The following ZNF446 variants were observed in gnomAD, a reference collection of about 807,000 sequenced individuals.
ZNF446 encodes zinc finger protein with KRAB and SCAN domains 20.
In ZNF446, 42 loss-of-function variants were observed where a neutral mutation model predicts 34.0. The ratio of observed to expected loss-of-function variants is 1.23; its 90% CI spans 0.96 to 1.60. The LOEUF is 1.60. Among genes scored for constraint, ZNF446 ranks in the 40% most tolerant of loss-of-function variants. The pLI is 0.00. For synonymous variants in ZNF446, 315 were observed against 251.0 expected (o/e 1.25, Z -2.41); for missense variants, 650 against 600.2 (o/e 1.08, Z -0.87).
Position 58,480,696 on chromosome 19 carries a change from C to T in ZNF446, c.1323C>T (p.His441=), listed in dbSNP as rs140103278. 2 of 1,607,778 alleles carry T rather than the reference C, an allele frequency of 1.2e-6. No homozygotes were observed. Among genetic ancestry groups the T allele is most frequent in the African/African-American group, 2.7e-5 (2 of 74,902 alleles). ...AFDWKSQLVI[H]RKGHRPEVP ...ACTGGAAGTCGCAGCTGGTCATCCA[C>T]CGCAAGGGCCACCGGCCGGAGGTTC... The change falls in exon 7 of 7, where the codon CAC becomes CAT. Residue 441 remains histidine (H), a synonymous_variant. Transcript: ENST00000594369. This position sits in a 1 kb window ranked among gnomAD's most constrained non-coding sequence, Gnocchi z 7.2.
rs1423645533 is a variant in ZNF446 at position 58,479,724 on chromosome 19, C to G, written c.709C>G (p.Leu237Val). Reference protein sequence around the residue: ...MLEKYGTVVSLGLPPHQPEAQ... With the variant: ...MLEKYGTVVSVGLPPHQPEAQ... ...GGAGAAGTACGGCACAGTGGTCTCCCTGGGTGAGGACCAGCCAGCCCCACC... is the reference window on the plus strand; with the variant it reads ...GGAGAAGTACGGCACAGTGGTCTCCGTGGGTGAGGACCAGCCAGCCCCACC... The change falls in exon 5 of 7, where the codon CTG (leucine) becomes GTG (valine). Residue 237 changes from leucine to valine, a missense_variant. Transcript: ENST00000594369. The G allele has an allele frequency of 6.2e-7, 1 of 1,611,880 alleles. No homozygotes were observed. Among genetic ancestry groups the G allele is most frequent in the Admixed American group, 1.7e-5 (1 of 59,688 alleles).
At chr19:58,478,007 C>T (rs934326306) in intron 3 of ZNF446, 80 bp from the exon 4 acceptor site, 2 of 1,406,860 alleles carry the variant, frequency 1.4e-6, no homozygotes, top group African/African-American at 1.4e-5. Context: ...TGCCATGTCA[C>T]ACAGCAGAGG....
Position 58,479,686 on chromosome 19 carries a change from G to A in ZNF446, c.671G>A (p.Trp224Ter), listed in dbSNP as rs1227138850. The change falls in exon 5 of 7, where the codon TGG (tryptophan) becomes TAG (stop). Residue 224 changes from tryptophan to a stop codon, truncating the protein, a stop_gained. Coordinates refer to ENST00000594369, the MANE Select transcript of ZNF446 (RefSeq NM_017908.4). LOFTEE classifies it high-confidence loss of function. ...GACCGGTCACAGAAGGAACTGTACT[G>A]GGATGCGATGCTGGAGAAGTACGGC... ...LLDRSQKELYWDAMLEKYGTV... is the reference protein window; with the variant it reads ...LLDRSQKELY 1 of 1,613,844 alleles carries A rather than the reference G, an allele frequency of 6.2e-7. No individual in the cohort carries two copies. Among genetic ancestry groups the A allele is most frequent in the Non-Finnish European group, 8.5e-7 (1 of 1,179,966 alleles).
At chr19:58,477,849 G>A (rs2053103034) in intron 3 of ZNF446, 23 bp downstream of exon 3, 12 of 1,513,044 alleles carry the variant, frequency 7.9e-6, no homozygotes, top group East Asian at 2.3e-5. Flanking sequence ...TCCCACCAGA[G>A]ATGAGGGACT....
Position 58,480,492 on chromosome 19 carries a change from G to A in ZNF446, c.1119G>A (p.Lys373=). 2 of 1,612,918 alleles carry A rather than the reference G, an allele frequency of 1.2e-6. No homozygotes were observed. Among genetic ancestry groups the A allele is most frequent in the Middle Eastern group, 1.6e-4 (1 of 6,062 alleles). Residue 373 remains lysine (K), a synonymous_variant, in exon 7 of 7, where the codon AAG becomes AAA. Transcript: ENST00000594369. This position sits in a 1 kb window ranked among gnomAD's most constrained non-coding sequence, Gnocchi z 7.2. The part of the protein sequence containing the change: ...PGLATGESTE[K]PPQGEVAFPH... ...TAGCCACCGGGGAAAGCACAGAGAA[G>A]CCACCACAAGGGGAGGTGGCCTTTC...
Position 58,480,595 on chromosome 19 carries a change from T to A in ZNF446, c.1222T>A (p.Ser408Thr). 1 of 1,612,566 alleles carries A rather than the reference T, an allele frequency of 6.2e-7. No individual in the cohort carries two copies. The highest frequency in any genetic ancestry group is 8.5e-7 in the Non-Finnish European group (1 of 1,179,922). ...GTGCGGGTGCAGCTTCAGCTGGAAG[T>A]CGCAGCTGGTCATCCACCGCAAGAG... ...EECGCSFSWK[S>T]QLVIHRKSHT... Residue 408 changes from serine to threonine, a missense_variant, in exon 7 of 7, where the codon TCG (serine) becomes ACG (threonine). Coordinates refer to ENST00000594369, the MANE Select transcript of ZNF446 (RefSeq NM_017908.4). The surrounding 1 kb of genome is among the most constrained non-coding windows in gnomAD (Gnocchi z 7.2).
At position 58,477,771 on chromosome 19, in the gene ZNF446, T is replaced by G. The variant is rs1400818334; in HGVS notation, c.477T>G (p.Ser159=). The G allele has an allele frequency of 6.2e-7, 1 of 1,605,184 alleles. No homozygotes were observed. Among genetic ancestry groups the G allele is most frequent in the Non-Finnish European group, 8.5e-7 (1 of 1,176,722 alleles). The change falls in exon 3 of 7, where the codon TCT becomes TCG. Residue 159 remains serine (S), a synonymous_variant. Coordinates refer to ENST00000594369, the MANE Select transcript of ZNF446 (RefSeq NM_017908.4). ...EGPQDTRIEG[S]VQLSCSVKEE... ...CCCAGGACACCAGAATAGAGGGGTC[T>G]GTCCAGCTCAGCTGCAGTGTGAAGG...
Position 58,480,418 on chromosome 19 carries a change from A to C in ZNF446, c.1045A>C (p.Ile349Leu). Residue 349 changes from isoleucine to leucine, a missense_variant, in exon 7 of 7, where the codon ATC becomes CTC. Coordinates refer to ENST00000594369, the MANE Select transcript of ZNF446 (RefSeq NM_017908.4). The surrounding 1 kb of genome is among the most constrained non-coding windows in gnomAD (Gnocchi z 7.2). ...CTTCGACTGGAAGTCAGTGTTCGTC[A>C]TCCACCACCGGACACACACGAGTGG... ...RGFDWKSVFVIHHRTHTSGPG... is the reference protein window; with the variant it reads ...RGFDWKSVFVLHHRTHTSGPG... 6.2e-7 allele frequency: 1 copy of C among 1,613,104 alleles called. No individual in the cohort carries two copies. The highest frequency in any genetic ancestry group is 8.5e-7 in the Non-Finnish European group (1 of 1,179,976).
At chr19:58,484,202 T>G (rs1335685957), downstream of ZNF446, among the ~76,000 whole-genome samples, 1 of 145,532 alleles carries the variant, frequency 6.9e-6, no homozygotes, top group East Asian at 2.0e-4. Flanking sequence ...TTTGAGAGGC[T>G]GAGGCAGGAG....
In ZNF446 at chr19:58,477,652, C is replaced by T; in HGVS notation, c.358C>T (p.Leu120=). The change falls in exon 3 of 7, where the codon CTG becomes TTG. Residue 120 remains leucine (L), a synonymous_variant. Transcript: ENST00000594369. ...TTCTCCTCAGATCACAGCCCATGTCCTGAAGCAGGAGGTGCTCCCTGCAGC... is the reference window on the plus strand; with the variant it reads ...TTCTCCTCAGATCACAGCCCATGTCTTGAAGCAGGAGGTGCTCCCTGCAGC... ...QLLGWITAHV[L]KQEVLPAAQK... The T allele has an allele frequency of 6.2e-7, 1 of 1,613,858 alleles. No individual in the cohort carries two copies. Among genetic ancestry groups the T allele is most frequent in the South Asian group, 1.1e-5 (1 of 91,088 alleles).
At chr19:58,482,007 G>T (rs975894094), downstream of ZNF446, among the ~76,000 whole-genome samples, 1 of 152,080 alleles carries the variant, frequency 6.6e-6, no homozygotes, top group Non-Finnish European at 1.5e-5. Flanking sequence ...TGTTAGCCAG[G>T]ATGGTCTCGA....
At chr19:58,476,898 C>G (rs143768407) in intron 1 of ZNF446, among the ~76,000 whole-genome samples, 2 of 152,176 alleles carry the variant, frequency 1.3e-5, no homozygotes, top group Non-Finnish European at 2.9e-5. Flanking sequence ...TTAGCGTCAT[C>G]TCCCAGCAGT....
At chr19:58,486,751 G>A in the ZNF446 span, among the ~76,000 whole-genome samples, 1 of 150,310 alleles carries the variant, frequency 6.7e-6, no homozygotes, top group Non-Finnish European at 1.5e-5. Flanking sequence ...GTCTCGCCAT[G>A]TTGCCCAGGC....
In ZNF446 at chr19:58,477,833, T is replaced by C. The variant is rs754769688; in HGVS notation, c.532+7T>C. Reference sequence around the variant, plus strand: ...GTCGATGGACAGGAAGTGGGTGAGGTTGGGGTCCCACCAGAGATGAGGGAC... The same window carrying C: ...GTCGATGGACAGGAAGTGGGTGAGGCTGGGGTCCCACCAGAGATGAGGGAC... On this transcript the variant is annotated splice_region_variant and intron_variant, in intron 3 of 6. Coordinates refer to ENST00000594369, the MANE Select transcript of ZNF446 (RefSeq NM_017908.4). The C allele has an allele frequency of 6.5e-7, 1 of 1,538,878 alleles. No homozygotes were observed. Among genetic ancestry groups the C allele is most frequent in the South Asian group, 1.3e-5 (1 of 78,726 alleles).
chr19:58,484,263 C>G (rs1437582303), downstream of ZNF446, among the ~76,000 whole-genome samples: 1 of 137,304 alleles, frequency 7.3e-6, no homozygotes, highest in South Asian at 2.4e-4. Flanking sequence ...AGAGTGAGAC[C>G]CCATCTCTAA....
chr19:58,482,314 CA>C (rs2122454929), downstream of ZNF446, among the ~76,000 whole-genome samples: 1 of 152,226 alleles, frequency 6.6e-6, no homozygotes, highest in African/African-American at 2.4e-5. Context: ...GGACCCTCAT[CA>C]TATCTTGTCC....
the ZNF446 span, among the ~76,000 whole-genome samples, chr19:58,489,436 C>G: frequency 2.0e-5 from 3 of 152,212 alleles, no homozygotes; most frequent in African/African-American, 7.2e-5. Context: ...TCCTGGCTCA[C>G]TGGCTTCCCC....
Position 58,480,090 on chromosome 19 carries a change from G to A in ZNF446, c.802+71G>A. On this transcript the variant is annotated intron_variant, in intron 6 of 6. Transcript: ENST00000594369. The surrounding 1 kb of genome is among the most constrained non-coding windows in gnomAD (Gnocchi z 7.2). ...GTGGGACCTGAGCCACCCACTCATG[G>A]GGGGACGGGAGCTTGTGCCACGGCC... The A allele has an allele frequency of 1.3e-6, 2 of 1,558,606 alleles. No homozygotes were observed. Among genetic ancestry groups the A allele is most frequent in the Non-Finnish European group, 1.7e-6 (2 of 1,158,384 alleles).
Position 58,477,268 on chromosome 19 carries a change from C to A in ZNF446, c.50C>A (p.Thr17Asn), listed in dbSNP as rs922505292. The A allele has an allele frequency of 6.2e-7, 1 of 1,606,598 alleles. No homozygotes were observed. Among genetic ancestry groups the A allele is most frequent in the Non-Finnish European group, 8.5e-7 (1 of 1,175,458 alleles). Residue 17 changes from threonine to asparagine, a missense_variant, in exon 2 of 7, where the codon ACC (threonine) becomes AAC (asparagine). Transcript: ENST00000594369. Reference sequence around the variant, plus strand: ...TGCCTGCCCGTCATGGACCCAGAGACCACCCTTGAGGAGCCTGAGACTGCC... The same window carrying A: ...TGCCTGCCCGTCATGGACCCAGAGAACACCCTTGAGGAGCCTGAGACTGCC... ...PPCLPVMDPE[T>N]TLEEPETARL...
Sources: gnomAD v4.1 joint callset for allele counts (sites outside exome capture counted in the v4.1 genomes callset) on GRCh38, gnomAD v4.1.1 for gene constraint, Gnocchi (gnomAD v3.1) non-coding constraint, MANE v1.5 for transcripts, NCBI Gene and HGNC (gene_info 2026-07-23, HGNC 2026-07-21) for gene names.